Variants in STXBP3 observed in about 807,000 individuals in gnomAD.
STXBP3 encodes the protein syntaxin-binding protein 3.
STXBP3 carries 41 observed loss-of-function variants against 85.7 expected under a neutral mutation model. The observed-to-expected ratio is 0.48, with a 90% CI of 0.37 to 0.62. STXBP3 has a LOEUF of 0.62. Ranked by LOEUF, STXBP3 falls within the 20% of genes least tolerant of loss-of-function variation. The probability of loss-of-function intolerance (pLI) is 0.00; values close to 1 mark genes in which losing one functional copy is unlikely to be tolerated. For missense variants in STXBP3, 563 were observed against 703.1 expected (o/e 0.80, Z 2.25); for synonymous variants, 229 against 231.7 (o/e 0.99, Z 0.10).
chr1:108,778,048 T>A (rs936404794), intron 8 of STXBP3, among the ~76,000 whole-genome samples: 3 of 152,170 alleles, frequency 2.0e-5, no homozygotes, highest in Admixed American at 6.6e-5. Flanking sequence ...TCCAAACTTG[T>A]ACTGCAAGAT....
At chr1:108,777,320 A>G (rs1451810713) in intron 8 of STXBP3, among the ~76,000 whole-genome samples, 1 of 152,136 alleles carries the variant, frequency 6.6e-6, no homozygotes, top group African/African-American at 2.4e-5. Flanking sequence ...GAGGCCCTTT[A>G]GCTTGAAGAA....
rs576303107 is a variant in STXBP3 at position 108,773,551 on chromosome 1, C to T, written c.593+732C>T. Among the ~76,000 whole-genome samples the T allele has an allele frequency of 3.9e-4, 60 of 151,992 alleles. 1 individual carries two copies. The Middle Eastern group carries it at 0.01, about 26-fold the overall frequency. ...TAATAAAAACAGGATCATTTTTTTG[C>T]CCAGTTATTCTAGTTCAGGCTCATT... On this transcript the variant is annotated intron_variant, in intron 7 of 18. Transcript: ENST00000370008.
chr1:108,789,593 T>C (rs1391152394), intron 11 of STXBP3, among the ~76,000 whole-genome samples: 3 of 152,202 alleles, frequency 2.0e-5, no homozygotes, highest in Non-Finnish European at 4.4e-5. Flanking sequence ...GTTCAAAACA[T>C]TTTCTAACCC....
chr1:108,760,541 A>G (rs924298573), intron 6 of STXBP3, among the ~76,000 whole-genome samples: 14 of 152,192 alleles, frequency 9.2e-5, no homozygotes, highest in African/African-American at 3.4e-4. Context: ...AATTAATAAT[A>G]GCAATGATTA....
Position 108,808,767 on chromosome 1 carries a change from T to G in STXBP3, c.1685-16T>G. ...TTAACTGCTGGCCTCTGAAAAATTC[T>G]CTTTTCTCCTACCAGGTTCTACACA... On this transcript the variant is annotated splice_polypyrimidine_tract_variant and intron_variant, in intron 18 of 18. Coordinates refer to ENST00000370008, the MANE Select transcript of STXBP3 (RefSeq NM_007269.4). 1 of 1,600,012 alleles carries G rather than the reference T, an allele frequency of 6.2e-7. No individual in the cohort carries two copies. The highest frequency in any genetic ancestry group is 1.3e-5 in the African/African-American group (1 of 74,624).
At chr1:108,796,759 A>G in intron 15 of STXBP3, 33 bp downstream of exon 15, 1 of 1,507,738 alleles carries the variant, frequency 6.6e-7, no homozygotes, top group South Asian at 1.2e-5. Flanking sequence ...TATACTTTAT[A>G]TGTATGTGTA....
intron 5 of STXBP3, chr1:108,759,125 A>T (rs570818564): frequency 6.6e-6 from 1 of 152,196 alleles, no homozygotes; most frequent in Non-Finnish European, 1.5e-5. Flanking sequence ...GACACATACA[A>T]TTCTGTCTTA....
chr1:108,756,667 A>C, intron 3 of STXBP3, 23 bp from the exon 4 acceptor site: 1 of 1,462,708 alleles, frequency 6.8e-7, no homozygotes, highest in Non-Finnish European at 9.2e-7. Flanking sequence ...TTGGTTATAT[A>C]AAATGACCTT....
intron 6 of STXBP3, among the ~76,000 whole-genome samples, chr1:108,772,411 ATCTG>A (rs1213149010): frequency 4.5e-5 from 1 of 22,178 alleles, no homozygotes; most frequent in East Asian, 3.2e-4. Flanking sequence ...TATGATATCT[ATCTG>A]TATATATAAA....
chr1:108,754,758 T>A (rs2101103307), intron 3 of STXBP3, among the ~76,000 whole-genome samples: 1 of 152,290 alleles, frequency 6.6e-6, no homozygotes, highest in Admixed American at 6.5e-5. Flanking sequence ...GTGGATCCCC[T>A]GGGTAAAATG....
At chr1:108,769,549 C>G (rs1337055105) in intron 6 of STXBP3, among the ~76,000 whole-genome samples, 1 of 151,940 alleles carries the variant, frequency 6.6e-6, no homozygotes, top group Admixed American at 6.6e-5. Context: ...TATAGATTAG[C>G]ATGAAGAGTA....
chr1:108,775,655 C>T (rs1570760443), intron 7 of STXBP3, among the ~76,000 whole-genome samples: 1 of 152,002 alleles, frequency 6.6e-6, no homozygotes, highest in Non-Finnish European at 1.5e-5. Context: ...TGAGAACATG[C>T]GAAATGTTCT....
intron 7 of STXBP3, among the ~76,000 whole-genome samples, chr1:108,775,920 AACACACACACACAC>A (rs59575550): frequency 0.38 from 57,239 of 149,904 alleles, 11,225 homozygotes; most frequent in Middle Eastern, 0.48. Flanking sequence ...ATAAATCTCA[AACACACACACACAC>A]ACACACACAC....
intron 11 of STXBP3, among the ~76,000 whole-genome samples, chr1:108,786,374 C>T (rs1257900513): frequency 1.3e-5 from 2 of 152,140 alleles, no homozygotes; most frequent in Non-Finnish European, 2.9e-5. Context: ...TTGGTCCTGC[C>T]CTTGACGCGT....
chr1:108,776,454 C>A, intron 8 of STXBP3, 31 bp downstream of exon 8: 1 of 1,498,808 alleles, frequency 6.7e-7, no homozygotes. Flanking sequence ...AATGACTATG[C>A]ATAAAGTCTG....
At position 108,780,242 on chromosome 1, in the gene STXBP3, G is replaced by A. The variant is rs1436301996; in HGVS notation, c.809+832G>A. On this transcript the variant is annotated intron_variant, in intron 9 of 18. Transcript: ENST00000370008. ...ATTGTTAAAATTTGTATTTTCTATT[G>A]TATTTTTATTTGCATTCTGGTCAAA... 3 of 151,700 alleles carry A rather than the reference G, an allele frequency of 2.0e-5. No homozygotes were observed. The East Asian group carries it at 5.8e-4, about 29-fold the overall frequency. 9.4% of individuals were successfully genotyped at this position (151,700 alleles called of 1,614,324 possible). A position where few individuals can be genotyped will look rare whatever the true frequency, so the allele number is the denominator to read the frequency against.
At chr1:108,803,185 A>T (rs1434322122) in intron 17 of STXBP3, among the ~76,000 whole-genome samples, 3 of 152,164 alleles carry the variant, frequency 2.0e-5, no homozygotes, top group Non-Finnish European at 4.4e-5. Context: ...GTTTATTACT[A>T]AGCATATTTG....
chr1:108,772,448 A>T (rs34629138), intron 6 of STXBP3, among the ~76,000 whole-genome samples: 2 of 128,636 alleles, frequency 1.6e-5, no homozygotes, highest in Non-Finnish European at 3.3e-5. Context: ...CTATCTGTAT[A>T]ATATATAAAT....
chr1:108,784,379 C>G (rs542173334), intron 11 of STXBP3, among the ~76,000 whole-genome samples: 1 of 152,188 alleles, frequency 6.6e-6, no homozygotes, highest in Non-Finnish European at 1.5e-5. Context: ...CACCATGTCA[C>G]AGGGAGAATG....
Sources: allele counts gnomAD v4.1 joint callset (sites outside exome capture counted in the v4.1 genomes callset), GRCh38; gene constraint gnomAD v4.1.1; transcripts MANE v1.5; gene names NCBI Gene and HGNC (gene_info 2026-07-23, HGNC 2026-07-21).